The following SCHIP1 variants were observed in gnomAD, a reference collection of about 807,000 sequenced individuals.
SCHIP1 encodes schwannomin-interacting protein 1.
Under a neutral mutation model 29.7 loss-of-function variants are expected in SCHIP1, and 8 were observed. The ratio of observed to expected loss-of-function variants is 0.27; its 90% CI spans 0.16 to 0.49. The LOEUF (loss-of-function observed/expected upper bound fraction) is 0.49, where lower values mean the gene tolerates loss of function less well. SCHIP1 is among the 20% of genes least tolerant of loss of function. The pLI, the probability that SCHIP1 is intolerant of heterozygous loss-of-function variation, is 0.99. For synonymous variants in SCHIP1, 76 were observed against 94.9 expected, an observed-to-expected ratio of 0.80 and a Z score of 1.16; for missense variants, 193 against 294.6, an observed-to-expected ratio of 0.66 and a Z score of 2.52.
At chr3:159,445,850 G>C in the SCHIP1 span, among the ~76,000 whole-genome samples, 8 of 135,988 alleles carry the variant, frequency 5.9e-5, no homozygotes, top group Non-Finnish European at 1.2e-4. Context: ...CACAGGAAGG[G>C]GAACATCACA....
At chr3:159,276,360 T>C in the SCHIP1 span, among the ~76,000 whole-genome samples, 2 of 152,210 alleles carry the variant, frequency 1.3e-5, no homozygotes, top group Non-Finnish European at 1.5e-5. Flanking sequence ...AGGATGCTGA[T>C]TGATTCCAAA....
the SCHIP1 span, among the ~76,000 whole-genome samples, chr3:159,303,785 A>T: frequency 0.011 from 1,741 of 152,268 alleles, 30 homozygotes; most frequent in Non-Finnish European, 0.017. Flanking sequence ...ATTATAAGAA[A>T]TTCTGGAAAA....
the SCHIP1 span, among the ~76,000 whole-genome samples, chr3:159,431,485 G>A: frequency 6.6e-6 from 1 of 152,106 alleles, no homozygotes; most frequent in African/African-American, 2.4e-5. Flanking sequence ...ATGTTTGTAA[G>A]CAAAAAGTCA....
At chr3:159,624,595 C>T in the SCHIP1 span, among the ~76,000 whole-genome samples, 4 of 152,100 alleles carry the variant, frequency 2.6e-5, no homozygotes, top group Admixed American at 2.6e-4. Flanking sequence ...CATGGATTAT[C>T]GACTCACCCA....
At chr3:159,386,302 A>G in the SCHIP1 span, among the ~76,000 whole-genome samples, 2 of 152,210 alleles carry the variant, frequency 1.3e-5, no homozygotes, top group African/African-American at 2.4e-5. Flanking sequence ...AGAATAAAAT[A>G]CCTAGGAATA....
At chr3:159,759,817 C>T in the SCHIP1 span, among the ~76,000 whole-genome samples, 1,092 of 152,282 alleles carry the variant, frequency 7.2e-3, 17 homozygotes, top group African/African-American at 0.024. Flanking sequence ...GGTTCAGCAT[C>T]GGGGCTAATA....
chr3:159,812,993 GGC>G, the SCHIP1 span, among the ~76,000 whole-genome samples: 2 of 152,260 alleles, frequency 1.3e-5, no homozygotes, highest in East Asian at 3.9e-4. Flanking sequence ...AAACATGAGA[GGC>G]AGCCTTGCTT....
chr3:159,619,127 C>CA, the SCHIP1 span, among the ~76,000 whole-genome samples: 6 of 152,042 alleles, frequency 3.9e-5, 1 homozygote, highest in South Asian at 2.1e-4. Flanking sequence ...AAAGAAAATA[C>CA]AAAAAAATAA....
chr3:159,646,948 T>A, the SCHIP1 span, among the ~76,000 whole-genome samples: 14 of 151,826 alleles, frequency 9.2e-5, no homozygotes. Context: ...CCCCATCTAG[T>A]AAGGGAGCTG....
chr3:159,712,619 G>C, the SCHIP1 span, among the ~76,000 whole-genome samples: 2 of 152,066 alleles, frequency 1.3e-5, no homozygotes, highest in African/African-American at 2.4e-5. Context: ...GGGAGGCTGA[G>C]GCAGGAGGAC....
chr3:159,652,767 A>G, the SCHIP1 span, among the ~76,000 whole-genome samples: 3 of 152,182 alleles, frequency 2.0e-5, no homozygotes, highest in East Asian at 5.8e-4. Flanking sequence ...CAATGAGAAA[A>G]ACAAGGATGA....
At chr3:159,773,167 G>C in the SCHIP1 span, among the ~76,000 whole-genome samples, 1 of 152,158 alleles carries the variant, frequency 6.6e-6, no homozygotes, top group South Asian at 2.1e-4. Flanking sequence ...GGCGTTTGCG[G>C]GTGCTTTTCC....
chr3:159,491,225 T>A, the SCHIP1 span, among the ~76,000 whole-genome samples: 1 of 152,100 alleles, frequency 6.6e-6, no homozygotes, highest in African/African-American at 2.4e-5. Context: ...AGGTACCAGG[T>A]TCATCTCACT....
chr3:159,356,511 T>TATCATTCTGAG, the SCHIP1 span, among the ~76,000 whole-genome samples: 1 of 152,204 alleles, frequency 6.6e-6, no homozygotes, highest in Admixed American at 6.5e-5. Flanking sequence ...CAGAGAAACC[T>TATCATTCTGAG]GAAAAAACTT....
the SCHIP1 span, among the ~76,000 whole-genome samples, chr3:159,417,244 A>C: frequency 3.2e-4 from 49 of 152,334 alleles, no homozygotes; most frequent in Admixed American, 7.2e-4. Context: ...GGTCCAAGTC[A>C]TTAGCACAAG....
chr3:159,664,741 AAC>A, the SCHIP1 span, among the ~76,000 whole-genome samples: 6 of 152,208 alleles, frequency 3.9e-5, no homozygotes, highest in East Asian at 1.2e-3. Context: ...GGTTGGACTG[AAC>A]AGAGTATGAA....
At chr3:159,780,551 C>T in the SCHIP1 span, among the ~76,000 whole-genome samples, 1 of 152,206 alleles carries the variant, frequency 6.6e-6, no homozygotes, top group South Asian at 2.1e-4. Context: ...AACCCCTATA[C>T]TTTCCTCCAG....
At chr3:159,740,913 T>A in the SCHIP1 span, among the ~76,000 whole-genome samples, 1 of 152,304 alleles carries the variant, frequency 6.6e-6, no homozygotes, top group East Asian at 1.9e-4. Flanking sequence ...CAGACCCTGA[T>A]GTGCTCTGAG....
the SCHIP1 span, among the ~76,000 whole-genome samples, chr3:159,570,203 C>T: frequency 6.6e-6 from 1 of 152,144 alleles, no homozygotes; most frequent in Non-Finnish European, 1.5e-5. Flanking sequence ...GTGTTTTAGT[C>T]CTGAAGTCCT....
Sources: allele counts gnomAD v4.1 joint callset (sites outside exome capture counted in the v4.1 genomes callset), GRCh38; gene constraint gnomAD v4.1.1; transcripts MANE v1.5; gene names NCBI Gene and HGNC (gene_info 2026-07-23, HGNC 2026-07-21).